HOXD4: variants seen among roughly 807,000 people sequenced by gnomAD.
The protein encoded by HOXD4 is homeobox protein Hox-D4.
Under a neutral mutation model 22.6 loss-of-function variants are expected in HOXD4, and 15 were observed. The observed-to-expected ratio is 0.67, with a 90% CI of 0.45 to 1.02. The LOEUF (loss-of-function observed/expected upper bound fraction) is 1.02, where lower values mean the gene tolerates loss of function less well. HOXD4 is among the 50% of genes least tolerant of loss of function. HOXD4 has a pLI of 0.00. For missense variants in HOXD4, 350 were observed against 346.6 expected (o/e 1.01, Z -0.08); for synonymous variants, 176 against 157.0 (o/e 1.12, Z -0.90).
chr2:176,152,901 CCG>C lies in HOXD4; in HGVS notation c.728_729del (p.Pro243HisfsTer60). 6.2e-7 allele frequency: 1 copy of C among 1,614,198 alleles called. No homozygotes were observed. The highest frequency in any genetic ancestry group is 8.5e-7 in the Non-Finnish European group (1 of 1,180,038). On this transcript the variant is annotated frameshift_variant, in exon 2 of 2. Coordinates refer to ENST00000306324, the MANE Select transcript of HOXD4 (RefSeq NM_014621.3). LOFTEE classifies it high-confidence loss of function. This position sits in a 1 kb window ranked among gnomAD's most constrained non-coding sequence, Gnocchi z 5.2. ...AGTCGCCCCCAGCCAGCATTTACAGCCGATGGCCAAAGACCACCACACGGACC... is the reference window on the plus strand; with the variant it reads ...AGTCGCCCCCAGCCAGCATTTACAGCATGGCCAAAGACCACCACACGGACC... ...SSVAPSQHLQ[P>X]MAKDHHTDLT...
rs770897971 is a variant in HOXD4 at position 176,151,607 on chromosome 2, A to G, written c.-27A>G. On this transcript the variant is annotated 5_prime_UTR_variant, in exon 1 of 2. Coordinates refer to ENST00000306324, the MANE Select transcript of HOXD4 (RefSeq NM_014621.3). ...GAGAAAAAAAGACAACACGAGAAAA[A>G]TTAGTATTTTCTACCTTCTGAAATT... 16 of 1,585,574 alleles carry G rather than the reference A, an allele frequency of 1.0e-5. No homozygotes were observed. Among genetic ancestry groups the G allele is most frequent in the Non-Finnish European group, 1.3e-5 (15 of 1,155,318 alleles).
chr2:176,153,032 T>A lies in HOXD4; in HGVS notation c.*90T>A. 2.3e-6 allele frequency: 3 copies of A among 1,304,260 alleles called. No individual in the cohort carries two copies. The South Asian group carries it at 3.6e-5, about 16-fold the overall frequency. The allele number at this position is 1,304,260 out of a possible 1,614,324, so 80.8% of individuals were successfully genotyped here. On this transcript the variant is annotated 3_prime_UTR_variant, in exon 2 of 2. Transcript: ENST00000306324. The stretch of plus-strand genomic sequence containing the variant: ...CGGGCCTGCTGTCACCTCGCTGGGC[T>A]CTAAGGTACTGTGGGGTGGACCTGG...
chr2:176,152,632 A>G lies in HOXD4; in HGVS notation c.458A>G (p.Glu153Gly). 6.2e-7 allele frequency: 1 copy of G among 1,614,012 alleles called. No homozygotes were observed. Among genetic ancestry groups the G allele is most frequent in the South Asian group, 1.1e-5 (1 of 91,066 alleles). The change falls in exon 2 of 2, where the codon GAA becomes GGA. Residue 153 changes from glutamate to glycine, a missense_variant. Glu to Gly is a moderately conservative substitution (Grantham distance 98, BLOSUM62 -2). Coordinates refer to ENST00000306324, the MANE Select transcript of HOXD4 (RefSeq NM_014621.3). This position sits in a 1 kb window ranked among gnomAD's most constrained non-coding sequence, Gnocchi z 5.2. ...NSVNPNYTGG[E>G]PKRSRTAYTR... ...GTGAACCCCAACTACACCGGTGGGG[A>G]ACCCAAGCGGTCCCGAACGGCCTAC...
chr2:176,152,087 C>G lies in HOXD4; in HGVS notation c.433+21C>G. 1 of 1,605,718 alleles carries G rather than the reference C, an allele frequency of 6.2e-7. No individual in the cohort carries two copies. On this transcript the variant is annotated intron_variant, in intron 1 of 1. Coordinates refer to ENST00000306324, the MANE Select transcript of HOXD4 (RefSeq NM_014621.3). This position sits in a 1 kb window ranked among gnomAD's most constrained non-coding sequence, Gnocchi z 5.2. ...TTCGGGTAAGGCTAGGGTCCAGTAA[C>G]CTTTCTGTCCACATCCCAGCCCGTT...
chr2:176,153,111 T>G lies in HOXD4; in HGVS notation c.*169T>G. 1.9e-5 allele frequency: 7 copies of G among 367,414 alleles called. No homozygotes were observed. Among genetic ancestry groups the G allele is most frequent in the Non-Finnish European group, 2.1e-5 (4 of 187,478 alleles). The allele number at this position is 367,414 out of a possible 1,614,324, so 22.8% of individuals were successfully genotyped here. On this transcript the variant is annotated 3_prime_UTR_variant, in exon 2 of 2. Coordinates refer to ENST00000306324, the MANE Select transcript of HOXD4 (RefSeq NM_014621.3). Reference sequence around the variant, plus strand: ...AGCATCCTGCCCGAGGGCAGCCCCCTCCCTAGAGCGGGATGGGGATGGGAG... The same window carrying G: ...AGCATCCTGCCCGAGGGCAGCCCCCGCCCTAGAGCGGGATGGGGATGGGAG...
rs1690558087 is a variant in HOXD4, at chr2:176,152,484, G to C, written c.434-124G>C. The C allele has an allele frequency of 1.3e-5, 10 of 798,664 alleles. No homozygotes were observed. In the South Asian group the frequency reaches 1.3e-4, roughly 10 times the overall value. The allele number at this position is 798,664 out of a possible 1,614,324, so 49.5% of individuals were successfully genotyped here. ...AGAGGGCGGGAGGGAGGAAGCAAGC[G>C]AGCTTGGGAGCGCGCGGGGAGGGCC... is the stretch of plus-strand genomic sequence containing the variant. On this transcript the variant is annotated intron_variant, in intron 1 of 1. Coordinates refer to ENST00000306324, the MANE Select transcript of HOXD4 (RefSeq NM_014621.3). The surrounding 1 kb of genome is among the most constrained non-coding windows in gnomAD (Gnocchi z 5.2).
Position 176,153,074 on chromosome 2 carries a change from T to C in HOXD4, c.*132T>C. The C allele has an allele frequency of 4.6e-6, 3 of 659,248 alleles. No homozygotes were observed. In the East Asian group the frequency reaches 1.3e-4, roughly 28 times the overall value. The allele number at this position is 659,248 out of a possible 1,614,324, so 40.8% of individuals were successfully genotyped here. A position where few individuals can be genotyped will look rare whatever the true frequency, so the allele number is the denominator to read the frequency against. On this transcript the variant is annotated 3_prime_UTR_variant, in exon 2 of 2. Coordinates refer to ENST00000306324, the MANE Select transcript of HOXD4 (RefSeq NM_014621.3). ...TGGACCTGGGACAAGCAGGCCGCCCTCGGACTAGGTTAGCATCCTGCCCGA... is the reference window on the plus strand; with the variant it reads ...TGGACCTGGGACAAGCAGGCCGCCCCCGGACTAGGTTAGCATCCTGCCCGA...
chr2:176,153,027 T>A lies in HOXD4; in HGVS notation c.*85T>A. Reference sequence around the variant, plus strand: ...CAGGCCGGGCCTGCTGTCACCTCGCTGGGCTCTAAGGTACTGTGGGGTGGA... The same window carrying A: ...CAGGCCGGGCCTGCTGTCACCTCGCAGGGCTCTAAGGTACTGTGGGGTGGA... On this transcript the variant is annotated 3_prime_UTR_variant, in exon 2 of 2. Transcript: ENST00000306324. 1.6e-6 allele frequency: 2 copies of A among 1,281,630 alleles called. No homozygotes were observed. The highest frequency in any genetic ancestry group is 1.1e-6 in the Non-Finnish European group (1 of 901,732). 79.4% of individuals were successfully genotyped at this position (1,281,630 alleles called of 1,614,324 possible).
In HOXD4 at chr2:176,152,001, C is replaced by T. The variant is rs1265231496; in HGVS notation, c.368C>T (p.Ser123Phe). 1.2e-6 allele frequency: 2 copies of T among 1,613,274 alleles called. No homozygotes were observed. Among genetic ancestry groups the T allele is most frequent in the African/African-American group, 2.7e-5 (2 of 74,904 alleles). The part of the protein sequence containing the change: ...YSQSDPKQPP[S>F]GTALKQPAVV... The stretch of plus-strand genomic sequence containing the variant: ...CAGTCCGACCCCAAGCAGCCGCCCT[C>T]CGGGACGGCACTCAAGCAGCCGGCC... Residue 123 changes from serine (S) to phenylalanine (F), a missense_variant, in exon 1 of 2, where the codon TCC (serine) becomes TTC (phenylalanine). Physicochemically the swap from Ser to Phe is radical, Grantham distance 155. Coordinates refer to ENST00000306324, the MANE Select transcript of HOXD4 (RefSeq NM_014621.3). This position sits in a 1 kb window ranked among gnomAD's most constrained non-coding sequence, Gnocchi z 5.2.
chr2:176,151,797 C>A lies in HOXD4; in HGVS notation c.164C>A (p.Pro55His), dbSNP rs1218331368. 1 of 1,611,640 alleles carries A rather than the reference C, an allele frequency of 6.2e-7. No individual in the cohort carries two copies. The highest frequency in any genetic ancestry group is 1.1e-5 in the South Asian group (1 of 91,002). The change falls in exon 1 of 2, where the codon CCC becomes CAC. Residue 55 changes from proline (P) to histidine (H), a missense_variant. Pro to His is a moderately conservative substitution (Grantham distance 77). Transcript: ENST00000306324. ...DFQPPGLYPR[P>H]DFGEQPFGGS... ...CAGCCCCCGGGGCTCTACCCACGGC[C>A]CGACTTCGGTGAGCAGCCTTTCGGA...
At position 176,152,362 on chromosome 2, in the gene HOXD4, G is replaced by T. The variant is rs1690552577; in HGVS notation, c.434-246G>T. On this transcript the variant is annotated intron_variant, in intron 1 of 1. Coordinates refer to ENST00000306324, the MANE Select transcript of HOXD4 (RefSeq NM_014621.3). This position sits in a 1 kb window ranked among gnomAD's most constrained non-coding sequence, Gnocchi z 5.2. ...ATGCTTGAGGGTTCCGGACCTGGTG[G>T]TGGGCCCAGAAGAAGGAGCACATTT... Among the ~76,000 whole-genome samples, 1 of 152,072 alleles carries T rather than the reference G, an allele frequency of 6.6e-6. No individual in the cohort carries two copies. Among genetic ancestry groups the T allele is most frequent in the African/African-American group, 2.4e-5 (1 of 41,394 alleles).
rs1351229280 is a variant in HOXD4, at chr2:176,153,009, G to C, written c.*67G>C. The C allele has an allele frequency of 6.7e-7, 1 of 1,502,964 alleles. No homozygotes were observed. Among genetic ancestry groups the C allele is most frequent in the African/African-American group, 1.4e-5 (1 of 72,592 alleles). 93.1% of individuals were successfully genotyped at this position (1,502,964 alleles called of 1,614,324 possible). ...GAGCCGAAGCTGCGGGGGCAGGCCGGGCCTGCTGTCACCTCGCTGGGCTCT... is the reference window on the plus strand; with the variant it reads ...GAGCCGAAGCTGCGGGGGCAGGCCGCGCCTGCTGTCACCTCGCTGGGCTCT... On this transcript the variant is annotated 3_prime_UTR_variant, in exon 2 of 2. Coordinates refer to ENST00000306324, the MANE Select transcript of HOXD4 (RefSeq NM_014621.3).
chr2:176,152,623 C>T lies in HOXD4; in HGVS notation c.449C>T (p.Thr150Ile). 6.2e-7 allele frequency: 1 copy of T among 1,613,920 alleles called. No homozygotes were observed. The highest frequency in any genetic ancestry group is 8.5e-7 in the Non-Finnish European group (1 of 1,179,842). Reference sequence around the variant, plus strand: ...TGTCTCGCAGTGAACCCCAACTACACCGGTGGGGAACCCAAGCGGTCCCGA... The same window carrying T: ...TGTCTCGCAGTGAACCCCAACTACATCGGTGGGGAACCCAAGCGGTCCCGA... ...VHVNSVNPNY[T>I]GGEPKRSRTA... The change falls in exon 2 of 2, where the codon ACC (threonine) becomes ATC (isoleucine). Residue 150 changes from threonine (T) to isoleucine (I), a missense_variant. Physicochemically the swap from Thr to Ile is moderately conservative, Grantham distance 89 (BLOSUM62 -1). Transcript: ENST00000306324. The surrounding 1 kb of genome is among the most constrained non-coding windows in gnomAD (Gnocchi z 5.2).
Position 176,151,802 on chromosome 2 carries a change from T to A in HOXD4, c.169T>A (p.Phe57Ile). 5 of 1,611,256 alleles carry A rather than the reference T, an allele frequency of 3.1e-6. No individual in the cohort carries two copies. Among genetic ancestry groups the A allele is most frequent in the Non-Finnish European group, 4.2e-6 (5 of 1,179,066 alleles). ...CCCGGGGCTCTACCCACGGCCCGAC[T>A]TCGGTGAGCAGCCTTTCGGAGGCAG... is the stretch of plus-strand genomic sequence containing the variant. ...QPPGLYPRPD[F>I]GEQPFGGSGP... The change falls in exon 1 of 2, where the codon TTC becomes ATC. Residue 57 changes from phenylalanine (F) to isoleucine (I), a missense_variant. Transcript: ENST00000306324.
rs765208462 is a variant in HOXD4 at position 176,152,782 on chromosome 2, A to AGAACCG, written c.611_616dup (p.Asn204_Arg205dup). Reference sequence around the variant, plus strand: ...GAGCGCCAGATCAAGATCTGGTTCCAGAACCGGAGGATGAAGTGGAAAAAA... The same window carrying AGAACCG: ...GAGCGCCAGATCAAGATCTGGTTCCAGAACCGGAACCGGAGGATGAAGTGGAAAAAA... On this transcript the variant is annotated inframe_insertion, in exon 2 of 2. Coordinates refer to ENST00000306324, the MANE Select transcript of HOXD4 (RefSeq NM_014621.3). This position sits in a 1 kb window ranked among gnomAD's most constrained non-coding sequence, Gnocchi z 5.2. The AGAACCG allele has an allele frequency of 6.2e-7, 1 of 1,614,250 alleles. No homozygotes were observed. Among genetic ancestry groups the AGAACCG allele is most frequent in the South Asian group, 1.1e-5 (1 of 91,090 alleles).
In HOXD4 at chr2:176,152,381, C is replaced by T. The variant is rs1690553282; in HGVS notation, c.434-227C>T. On this transcript the variant is annotated intron_variant, in intron 1 of 1. Transcript: ENST00000306324. This position sits in a 1 kb window ranked among gnomAD's most constrained non-coding sequence, Gnocchi z 5.2. ...CTGGTGGTGGGCCCAGAAGAAGGAGCACATTTGGGGATCCCGCAAGCCTGG... is the reference window on the plus strand; with the variant it reads ...CTGGTGGTGGGCCCAGAAGAAGGAGTACATTTGGGGATCCCGCAAGCCTGG... Among the ~76,000 whole-genome samples the T allele has an allele frequency of 6.6e-6, 1 of 151,566 alleles. No individual in the cohort carries two copies.
In HOXD4 at chr2:176,153,163, T is replaced by G. The variant is rs1430824380; in HGVS notation, c.*221T>G. 3.5e-6 allele frequency: 2 copies of G among 577,766 alleles called. No homozygotes were observed. The highest frequency in any genetic ancestry group is 6.2e-6 in the Non-Finnish European group (2 of 323,092). 35.8% of individuals were successfully genotyped at this position (577,766 alleles called of 1,614,324 possible). A position where few individuals can be genotyped will look rare whatever the true frequency, so the allele number is the denominator to read the frequency against. On this transcript the variant is annotated 3_prime_UTR_variant, in exon 2 of 2. Transcript: ENST00000306324. Reference sequence around the variant, plus strand: ...GGGGGCGGGATTCTCTCTCTAAGTATATTATATGGCAGGAGCTACTGAGAA... The same window carrying G: ...GGGGGCGGGATTCTCTCTCTAAGTAGATTATATGGCAGGAGCTACTGAGAA...
Position 176,152,744 on chromosome 2 carries a change from C to A in HOXD4, c.570C>A (p.Thr190=), listed in dbSNP as rs772924286. 11 of 1,614,174 alleles carry A rather than the reference C, an allele frequency of 6.8e-6. No homozygotes were observed. The highest frequency in any genetic ancestry group is 9.3e-6 in the Non-Finnish European group (11 of 1,180,028). ...GCCGTCGGATTGAAATCGCTCACAC[C>A]CTGTGTCTGTCGGAGCGCCAGATCA... ...TRRRRIEIAH[T]LCLSERQIKI... The change falls in exon 2 of 2, where the codon ACC becomes ACA. Residue 190 remains threonine, a synonymous_variant. Transcript: ENST00000306324. This position sits in a 1 kb window ranked among gnomAD's most constrained non-coding sequence, Gnocchi z 5.2.
Position 176,151,996 on chromosome 2 carries a change from G to GC in HOXD4, c.366dup (p.Ser123LeufsTer54). 6.2e-7 allele frequency: 1 copy of GC among 1,613,314 alleles called. No homozygotes were observed. The highest frequency in any genetic ancestry group is 8.5e-7 in the Non-Finnish European group (1 of 1,179,762). On this transcript the variant is annotated frameshift_variant, in exon 1 of 2. Transcript: ENST00000306324. LOFTEE classifies it high-confidence loss of function. Reference sequence around the variant, plus strand: ...ACAGTCAGTCCGACCCCAAGCAGCCGCCCTCCGGGACGGCACTCAAGCAGC... The same window carrying GC: ...ACAGTCAGTCCGACCCCAAGCAGCCGCCCCTCCGGGACGGCACTCAAGCAGC...
Sources: gnomAD v4.1 joint callset for allele counts (sites outside exome capture counted in the v4.1 genomes callset) on GRCh38, gnomAD v4.1.1 for gene constraint, Gnocchi (gnomAD v3.1) non-coding constraint, MANE v1.5 for transcripts, NCBI Gene and HGNC (gene_info 2026-07-23, HGNC 2026-07-21) for gene names.